Variants in IQSEC2 observed in about 807,000 individuals in gnomAD.
The protein encoded by IQSEC2 is IQ motif and SEC7 domain-containing protein 2.
A neutral mutation model predicts 74.6 loss-of-function variants in IQSEC2; 6 were observed. The observed-to-expected ratio is 0.08, with a 90% CI of 0.04 to 0.16. IQSEC2 has a LOEUF of 0.16. Ranked by LOEUF, IQSEC2 falls within the 10% of genes least tolerant of loss-of-function variation. The pLI, the probability that IQSEC2 is intolerant of heterozygous loss-of-function variation, is 1.00. For missense variants in IQSEC2, 734 were observed against 1,306.2 expected (o/e 0.56, Z 6.75); for synonymous variants, 494 against 544.5 (o/e 0.91, Z 1.29).
chrX:53,257,706 T>C (rs1333496461), intron 2 of IQSEC2, among the ~76,000 whole-genome samples: 1 of 112,357 alleles, frequency 8.9e-6, no homozygotes, highest in East Asian at 2.8e-4. Context: ...ATTCTGGCAT[T>C]TGAGGCTTCT....
Position 53,266,362 on chromosome X carries a change from G to A in IQSEC2, c.738-10301C>T, listed in dbSNP as rs373745535. On this transcript the variant is annotated intron_variant, in intron 2 of 14. Transcript: ENST00000642864. ...AGCTTTTATTGATGGAAATTCCTTT[G>A]TACACAGCAACACGCACTCTGAGAG... The A allele has an allele frequency of 2.8e-5, 21 of 751,007 alleles. No individual in the cohort carries two copies. The East Asian group carries it at 4.6e-4, about 16-fold the overall frequency. The allele number at this position is 751,007 out of a possible 1,213,427, so 61.9% of individuals were successfully genotyped here. A position where few individuals can be genotyped will look rare whatever the true frequency, so the allele number is the denominator to read the frequency against.
chrX:53,308,846 C>G (rs1556877345), intron 1 of IQSEC2, among the ~76,000 whole-genome samples: 1 of 110,311 alleles, frequency 9.1e-6, no homozygotes, highest in Non-Finnish European at 1.9e-5. Flanking sequence ...CCCTGCAATC[C>G]CAGCACTCTG....
chrX:53,254,826 G>A lies in IQSEC2; in HGVS notation c.1105C>T (p.Arg369Trp). 8.3e-7 allele frequency: 1 copy of A among 1,207,340 alleles called. No homozygotes were observed. The highest frequency in any genetic ancestry group is 1.1e-6 in the Non-Finnish European group (1 of 893,141). ...RQYRMNKNFE[R>W]LRSSASESRM... ...CTCTCTGAGGCTGAGCTGCGTAGCC[G>A]CTCAAAGTTCTTGTTCATGCGGTAC... The change falls in exon 4 of 15, where the codon CGG becomes TGG. Residue 369 changes from arginine (R) to tryptophan (W), a missense_variant. Arg to Trp is a moderately radical substitution (Grantham distance 101). This residue lies in a region of IQSEC2 where 17 missense variants were observed against 60.3 expected (regional missense o/e 0.28). Transcript: ENST00000642864.
chrX:53,263,471 C>A (rs1287601782), intron 2 of IQSEC2, among the ~76,000 whole-genome samples: 2 of 111,045 alleles, frequency 1.8e-5, no homozygotes, highest in Non-Finnish European at 3.8e-5. Flanking sequence ...CCTGTCTCCC[C>A]ACCCCTCACC....
intron 1 of IQSEC2, among the ~76,000 whole-genome samples, chrX:53,304,438 T>C (rs2075240979): frequency 8.9e-6 from 1 of 111,831 alleles, no homozygotes. Context: ...CTTTTGCTGG[T>C]GATTATTGTT....
intron 2 of IQSEC2, among the ~76,000 whole-genome samples, chrX:53,261,670 TCA>T (rs782091295): frequency 1.4e-3 from 148 of 104,633 alleles, no homozygotes; most frequent in Admixed American, 4.2e-3. Context: ...ACACACACAC[TCA>T]CACACACACA....
chrX:53,311,273 G>A (rs1374394914), intron 1 of IQSEC2, among the ~76,000 whole-genome samples: 1 of 109,251 alleles, frequency 9.2e-6, no homozygotes, highest in Non-Finnish European at 1.9e-5. Flanking sequence ...CTTTTCATCT[G>A]TAAAATGAAT....
intron 1 of IQSEC2, among the ~76,000 whole-genome samples, chrX:53,313,447 C>T (rs1169892094): frequency 1.8e-5 from 2 of 112,036 alleles, no homozygotes; most frequent in African/African-American, 6.5e-5. Flanking sequence ...GAATGGGCTT[C>T]CCCGTGTAAA....
In IQSEC2 at chrX:53,292,098, G is replaced by A. The variant is rs187306477; in HGVS notation, c.708-174C>T. 1.7e-3 allele frequency among the ~76,000 whole-genome samples: 195 copies of A among 112,280 alleles called. 2 individuals are homozygous for A. The Middle Eastern group carries it at 0.023, about 13-fold the overall frequency. On this transcript the variant is annotated intron_variant, in intron 1 of 14. Transcript: ENST00000642864. ...ATAGCAAGTGCAAGGCCGAGAGACA[G>A]TAGAGTGCCTCGCCAGTTGGAGGGA... is the stretch of plus-strand genomic sequence containing the variant.
chrX:53,290,507 G>T (rs1556872826), intron 2 of IQSEC2, among the ~76,000 whole-genome samples: 1 of 111,591 alleles, frequency 9.0e-6, no homozygotes, highest in Non-Finnish European at 1.9e-5. Flanking sequence ...ACCCACGGTG[G>T]GACACTGAGA....
At position 53,239,303 on chromosome X, in the gene IQSEC2, G is replaced by C. The variant is rs1325334521; in HGVS notation, c.3016-9C>G. 1.7e-6 allele frequency: 2 copies of C among 1,147,732 alleles called. No homozygotes were observed. The highest frequency in any genetic ancestry group is 3.6e-5 in the African/African-American group (2 of 55,792). The allele number at this position is 1,147,732 out of a possible 1,213,427, so 94.6% of individuals were successfully genotyped here. On this transcript the variant is annotated splice_polypyrimidine_tract_variant and intron_variant, in intron 10 of 14. Coordinates refer to ENST00000642864, the MANE Select transcript of IQSEC2 (RefSeq NM_001111125.3). ...TGGAAAATTTTGGTGACCTTTGGCAGGGGTGGGAAAAAGACAAGAGGCAGC... is the reference window on the plus strand; with the variant it reads ...TGGAAAATTTTGGTGACCTTTGGCACGGGTGGGAAAAAGACAAGAGGCAGC...
At chrX:53,258,431 C>G (rs140172395) in intron 2 of IQSEC2, among the ~76,000 whole-genome samples, 1 of 111,777 alleles carries the variant, frequency 8.9e-6, no homozygotes, top group Non-Finnish European at 1.9e-5. Context: ...TAAAAGCTGC[C>G]GTCCAGAGGG....
rs1419980871 is a variant in IQSEC2 at position 53,299,078 on chromosome X, T to TC, written c.708-7155_708-7154insG. Among the ~76,000 whole-genome samples the TC allele has an allele frequency of 1.4e-4, 14 of 102,656 alleles. No individual in the cohort carries two copies. In the South Asian group the frequency reaches 3.3e-3, roughly 24 times the overall value. 89.1% of individuals were successfully genotyped at this position (102,656 alleles called of 115,157 possible). A position where few individuals can be genotyped will look rare whatever the true frequency, so the allele number is the denominator to read the frequency against. On this transcript the variant is annotated intron_variant, in intron 1 of 14. Transcript: ENST00000642864. ...TCTTTTCTTTCTTTCTCTCTCTCTC[T>TC]TTTTTTTTTTAGTTTAGAGACAAGG... is the stretch of plus-strand genomic sequence containing the variant.
chrX:53,313,923 C>T (rs1160471932), intron 1 of IQSEC2, among the ~76,000 whole-genome samples: 1 of 112,090 alleles, frequency 8.9e-6, no homozygotes, highest in Non-Finnish European at 1.9e-5. Context: ...GGCTGGTGAG[C>T]GTGAGAAGAG....
Position 53,250,908 on chromosome X carries a change from T to C in IQSEC2, c.1668A>G (p.Pro556=). 1.7e-6 allele frequency: 2 copies of C among 1,210,015 alleles called. No individual in the cohort carries two copies. Among genetic ancestry groups the C allele is most frequent in the Middle Eastern group, 2.3e-4 (1 of 4,343 alleles). Residue 556 remains proline, a synonymous_variant, in exon 5 of 15, where the codon CCA becomes CCG. Transcript: ENST00000642864. ...CTTCCCGGGTTCCTGATGGCACTGG[T>C]GGAGGAACTGGCGGGAGAGGGGCTG... ...WAPAPLPPVP[P]PVPSGTREDG...
chrX:53,286,397 CTG>C (rs1556871748), intron 2 of IQSEC2, among the ~76,000 whole-genome samples: 1 of 112,172 alleles, frequency 8.9e-6, no homozygotes, highest in African/African-American at 3.2e-5. Context: ...CACATAAAAA[CTG>C]TGCTTACTGC....
At chrX:53,241,218 G>T (rs1414630080) in intron 10 of IQSEC2, among the ~76,000 whole-genome samples, 1 of 111,123 alleles carries the variant, frequency 9.0e-6, no homozygotes, top group African/African-American at 3.3e-5. Context: ...TGATCCTCCC[G>T]ACTCAGCCTC....
chrX:53,237,937 T>A (rs1226086982), intron 12 of IQSEC2: 1 of 461,029 alleles, frequency 2.2e-6, no homozygotes, highest in Admixed American at 3.1e-5. Flanking sequence ...TGGCTCATAA[T>A]TAGAGTTCAG....
chrX:53,236,536 C>A, intron 12 of IQSEC2, 41 bp from the exon 13 acceptor site: 1 of 1,157,087 alleles, frequency 8.6e-7, no homozygotes, highest in Non-Finnish European at 1.2e-6. Flanking sequence ...AGGTCAGGAA[C>A]AGGAGTGAGA....
Sources: gnomAD v4.1 joint callset for allele counts (sites outside exome capture counted in the v4.1 genomes callset) on GRCh38, gnomAD v4.1.1 for gene constraint, gnomAD v4.1.1 regional missense constraint, MANE v1.5 for transcripts, NCBI Gene and HGNC (gene_info 2026-07-23, HGNC 2026-07-21) for gene names.